NUP210: variants seen among roughly 807,000 people sequenced by gnomAD.
The protein encoded by NUP210 is nucleoporin 210, also known as nuclear pore membrane glycoprotein 210.
A neutral mutation model predicts 196.0 loss-of-function variants in NUP210; 151 were observed. The ratio of observed to expected loss-of-function variants is 0.77; its 90% confidence interval spans 0.67 to 0.88. NUP210 has a LOEUF of 0.88. NUP210 is among the 40% of genes least tolerant of loss of function. NUP210 has a pLI of 0.00. For missense variants in NUP210, 2,314 were observed against 2,493.7 expected, an observed-to-expected ratio of 0.93 and a Z score of 1.53; for synonymous variants, 1,070 against 1,052.7, an observed-to-expected ratio of 1.02 and a Z score of -0.32.
chr3:13,331,045 C>A (rs767492721), intron 29 of NUP210, among the ~76,000 whole-genome samples: 2 of 152,110 alleles, frequency 1.3e-5, no homozygotes, highest in Non-Finnish European at 2.9e-5. Flanking sequence ...GGCTTTGAGT[C>A]CGACAGAATC....
chr3:13,365,081 G>A (rs935187895), intron 14 of NUP210, among the ~76,000 whole-genome samples: 2 of 152,142 alleles, frequency 1.3e-5, no homozygotes, highest in African/African-American at 2.4e-5. Context: ...AACCCTCTCT[G>A]CGCCTCCTGC....
rs774980528 is a variant in NUP210 at position 13,322,309 on chromosome 3, A to G, written c.4799T>C (p.Ile1600Thr). The G allele has an allele frequency of 1.4e-5, 22 of 1,614,070 alleles. No individual in the cohort carries two copies. In the African/African-American group the frequency reaches 2.5e-4, roughly 19 times the overall value. The change falls in exon 35 of 40, where the codon ATC (isoleucine) becomes ACC (threonine). Residue 1600 changes from isoleucine (I) to threonine (T), a missense_variant. Physicochemically the swap from Ile to Thr is moderately conservative, Grantham distance 89. Transcript: ENST00000254508. ...GAGGGTCTCTGGGTGCAAGGCCTGG[A>G]TGACTTCCCTCTGGGTGGGGGTGCA... is the stretch of plus-strand genomic sequence containing the variant. ...GECTPTQREVIQALHPETLIS... is the reference protein window; with the variant it reads ...GECTPTQREVTQALHPETLIS...
intron 1 of NUP210, among the ~76,000 whole-genome samples, chr3:13,414,620 T>C (rs756351916): frequency 4.7e-5 from 7 of 149,772 alleles, no homozygotes; most frequent in Non-Finnish European, 1.0e-4. Flanking sequence ...CCTGCTGCCC[T>C]GGCCAAACGT....
In NUP210 at chr3:13,343,256, C is replaced by G. The variant is rs1450614503; in HGVS notation, c.2883G>C (p.Leu961Phe). The change falls in exon 21 of 40, where the codon TTG (leucine) becomes TTC (phenylalanine). Residue 961 changes from leucine to phenylalanine, a missense_variant. Transcript: ENST00000254508. ...PGSSTIMIHD[L>F]CLVFPAPAKA... Reference sequence around the variant, plus strand: ...TGGCTGGGGCCGGGAAGACGAGGCACAAGTCATGGATCATGATGGTGGATG... The same window carrying G: ...TGGCTGGGGCCGGGAAGACGAGGCAGAAGTCATGGATCATGATGGTGGATG... 2.6e-6 allele frequency: 4 copies of G among 1,548,702 alleles called. No individual in the cohort carries two copies. Among genetic ancestry groups the G allele is most frequent in the Non-Finnish European group, 3.5e-6 (4 of 1,142,218 alleles).
chr3:13,344,938 C>T, intron 20 of NUP210: 1 of 985,462 alleles, frequency 1.0e-6, no homozygotes, highest in Non-Finnish European at 1.2e-6. Flanking sequence ...CACGTCAGCT[C>T]CTCCAGCACC....
chr3:13,347,081 T>A lies in NUP210; in HGVS notation c.2836-3778A>T, dbSNP rs749176199. ...CCACTCCCCACTCATCCTGGACACA[T>A]GTCCTCACCTGAACAATGGCCCCAT... On this transcript the variant is annotated intron_variant, in intron 20 of 39. Coordinates refer to ENST00000254508, the MANE Select transcript of NUP210 (RefSeq NM_024923.4). This position sits in a 1 kb window ranked among gnomAD's most constrained non-coding sequence, Gnocchi z 4.7. The A allele has an allele frequency of 1.0e-6, 1 of 985,284 alleles. No individual in the cohort carries two copies. The highest frequency in any genetic ancestry group is 1.2e-6 in the Non-Finnish European group (1 of 829,912). The allele number at this position is 985,284 out of a possible 1,614,324, so 61.0% of individuals were successfully genotyped here. A position where few individuals can be genotyped will look rare whatever the true frequency, so the allele number is the denominator to read the frequency against.
chr3:13,318,973 C>A, intron 39 of NUP210, 99 bp downstream of exon 39: 1 of 1,186,654 alleles, frequency 8.4e-7, no homozygotes, highest in Non-Finnish European at 1.2e-6. Flanking sequence ...CAGGCAAGGG[C>A]CTGTTGAGAC....
chr3:13,399,612 A>G, intron 2 of NUP210, 113 bp downstream of exon 2: 1 of 1,441,382 alleles, frequency 6.9e-7, no homozygotes, highest in Non-Finnish European at 9.5e-7. Context: ...CCTGCCACTC[A>G]ACAAGAGAAA....
At chr3:13,380,256 T>C (rs745409683) in intron 6 of NUP210, among the ~76,000 whole-genome samples, 3 of 151,804 alleles carry the variant, frequency 2.0e-5, no homozygotes, top group Non-Finnish European at 4.4e-5. Flanking sequence ...TGGAGAAGAG[T>C]TTCCCCGAGA....
chr3:13,403,220 A>G (rs1380781363), intron 1 of NUP210, among the ~76,000 whole-genome samples: 2 of 152,332 alleles, frequency 1.3e-5, no homozygotes, highest in East Asian at 3.9e-4. Context: ...AAACATCACA[A>G]ACAGGGTTTT....
intron 26 of NUP210, among the ~76,000 whole-genome samples, chr3:13,337,483 C>G (rs1697262612): frequency 6.6e-6 from 1 of 152,252 alleles, no homozygotes; most frequent in East Asian, 1.9e-4. Context: ...ATTTGCTCAT[C>G]TGCGACACGA....
intron 13 of NUP210, among the ~76,000 whole-genome samples, chr3:13,368,250 A>AT (rs777851766): frequency 1.3e-4 from 19 of 151,880 alleles, no homozygotes; most frequent in Non-Finnish European, 2.2e-4. Context: ...TAGTTTTTTC[A>AT]TTTTTTTGTA....
intron 3 of NUP210, among the ~76,000 whole-genome samples, chr3:13,393,129 C>T (rs1484731831): frequency 2.0e-5 from 3 of 152,238 alleles, no homozygotes; most frequent in Non-Finnish European, 2.9e-5. Flanking sequence ...CCAAGCATGG[C>T]TTTTCTCTTC....
intron 30 of NUP210, among the ~76,000 whole-genome samples, chr3:13,329,292 G>A (rs952390024): frequency 6.6e-6 from 1 of 152,234 alleles, no homozygotes; most frequent in Admixed American, 6.5e-5. Flanking sequence ...GGCTCTTGGG[G>A]CATTTAAAGA....
chr3:13,415,711 C>G (rs1486629122), intron 1 of NUP210, among the ~76,000 whole-genome samples: 1 of 152,128 alleles, frequency 6.6e-6, no homozygotes. Context: ...TATGGGGCAA[C>G]TTCTTACAGG....
At chr3:13,360,726 T>C (rs974416870) in intron 14 of NUP210, among the ~76,000 whole-genome samples, 1 of 152,002 alleles carries the variant, frequency 6.6e-6, no homozygotes, top group African/African-American at 2.4e-5. Context: ...TGCTGGAGGG[T>C]GTACATGGAT....
intron 36 of NUP210, 34 bp downstream of exon 36, chr3:13,321,551 C>G (rs771936984): frequency 5.5e-5 from 88 of 1,595,758 alleles, no homozygotes; most frequent in Admixed American, 2.2e-4. Flanking sequence ...GCCCCTGACT[C>G]CGGCCTGGCC....
intron 3 of NUP210, among the ~76,000 whole-genome samples, chr3:13,396,302 GA>G (rs1699652021): frequency 6.6e-6 from 1 of 152,130 alleles, no homozygotes; most frequent in African/African-American, 2.4e-5. Flanking sequence ...TCCTGATCCA[GA>G]AATTTTTTTT....
chr3:13,321,460 C>G (rs545559349), intron 36 of NUP210, 125 bp downstream of exon 36: 1 of 1,051,816 alleles, frequency 9.5e-7, no homozygotes, highest in South Asian at 1.6e-5. Flanking sequence ...TTTAAAAATT[C>G]TAATTGTAAA....
Sources: gnomAD v4.1 joint callset for allele counts (sites outside exome capture counted in the v4.1 genomes callset) on GRCh38, gnomAD v4.1.1 for gene constraint, Gnocchi (gnomAD v3.1) non-coding constraint, MANE v1.5 for transcripts, NCBI Gene and HGNC (gene_info 2026-07-23, HGNC 2026-07-21) for gene names.